Variants in GRIK4 observed in about 807,000 individuals in gnomAD.
The protein encoded by GRIK4 is glutamate ionotropic receptor kainate type subunit 4.
Under a neutral mutation model 104.9 loss-of-function variants are expected in GRIK4, and 40 were observed. The observed-to-expected ratio is 0.38, with a 90% confidence interval of 0.30 to 0.50. GRIK4 has a LOEUF of 0.50. GRIK4 is among the 20% of genes least tolerant of loss of function. GRIK4 has a pLI of 0.93. For synonymous variants in GRIK4, 485 were observed against 524.9 expected, an observed-to-expected ratio of 0.92 and a Z score of 1.04; for missense variants, 1,047 against 1,308.1, an observed-to-expected ratio of 0.80 and a Z score of 3.08.
chr11:120,740,825 A>T (rs1951314696), intron 3 of GRIK4, among the ~76,000 whole-genome samples: 1 of 152,170 alleles, frequency 6.6e-6, no homozygotes, highest in Non-Finnish European at 1.5e-5. Flanking sequence ...CTGGCCATGT[A>T]TCTGCATAAT....
In GRIK4 at chr11:120,874,140, G is replaced by C; in HGVS notation, c.981G>C (p.Glu327Asp). The stretch of plus-strand genomic sequence containing the variant: ...TGCAGGAACTGAACCGGAGCCAAGA[G>C]ATCGGCGTGAAGCCCTTGTCCTGCG... The part of the protein sequence containing the change: ...TAVQELNRSQ[E>D]IGVKPLSCGS... The change falls in exon 10 of 21, where the codon GAG becomes GAC. Residue 327 changes from glutamate (E) to aspartate (D), a missense_variant. This residue lies in a region of GRIK4 where 447 missense variants were observed against 514.9 expected (regional missense o/e 0.87). Coordinates refer to ENST00000527524, the MANE Select transcript of GRIK4 (RefSeq NM_014619.5). 2.5e-6 allele frequency: 4 copies of C among 1,614,046 alleles called. No homozygotes were observed. The highest frequency in any genetic ancestry group is 3.4e-6 in the Non-Finnish European group (4 of 1,179,970).
chr11:120,801,244 C>T (rs753970172), intron 3 of GRIK4, among the ~76,000 whole-genome samples: 1 of 152,036 alleles, frequency 6.6e-6, no homozygotes, highest in Non-Finnish European at 1.5e-5. Flanking sequence ...TTTGTTTTTT[C>T]AGATGGAGTC....
At chr11:120,888,859 C>A (rs532140694) in intron 11 of GRIK4, among the ~76,000 whole-genome samples, 2 of 152,274 alleles carry the variant, frequency 1.3e-5, no homozygotes, top group South Asian at 2.1e-4. Context: ...ATTTCATAAC[C>A]CACTAATGGG....
intron 1 of GRIK4, among the ~76,000 whole-genome samples, chr11:120,520,692 A>G (rs1947786391): frequency 6.6e-6 from 1 of 152,192 alleles, no homozygotes; most frequent in Admixed American, 6.5e-5. Context: ...GCCCCAGGTT[A>G]ATAGCCGAGG....
chr11:120,852,808 G>T (rs1366445437), intron 8 of GRIK4, among the ~76,000 whole-genome samples: 1 of 152,184 alleles, frequency 6.6e-6, no homozygotes, highest in South Asian at 2.1e-4. Flanking sequence ...TTGGACTTCT[G>T]GTGGCTCCAG....
chr11:120,805,107 G>A (rs190420764), intron 4 of GRIK4, among the ~76,000 whole-genome samples: 49 of 152,300 alleles, frequency 3.2e-4, no homozygotes, highest in Non-Finnish European at 6.2e-4. Flanking sequence ...TTGTCATAGA[G>A]GTTAATTTCT....
chr11:120,519,683 C>T (rs529044578), intron 1 of GRIK4, among the ~76,000 whole-genome samples: 1 of 152,256 alleles, frequency 6.6e-6, no homozygotes, highest in African/African-American at 2.4e-5. Context: ...GATTCATTAG[C>T]CCAAAGTCCC....
In GRIK4 at chr11:120,769,522, T is replaced by C. The variant is rs138740543; in HGVS notation, c.83-33171T>C. On this transcript the variant is annotated intron_variant, in intron 3 of 20. Transcript: ENST00000527524. ...ATATAATTGTATGTGTCATGAAATA[T>C]TCTTTTGACTTTTTCCCAAAACATT... Among the ~76,000 whole-genome samples, 860 of 152,340 alleles carry C rather than the reference T, an allele frequency of 5.6e-3. 3 individuals are homozygous for C. The highest frequency in any genetic ancestry group is 8.4e-3 in the Non-Finnish European group (570 of 68,030).
intron 13 of GRIK4, among the ~76,000 whole-genome samples, chr11:120,937,285 C>T (rs1422232056): frequency 6.6e-6 from 1 of 152,166 alleles, no homozygotes; most frequent in Non-Finnish European, 1.5e-5. Context: ...GTGATCCACC[C>T]AGCTCAGCCT....
chr11:120,782,457 T>G (rs1208914037), intron 3 of GRIK4, among the ~76,000 whole-genome samples: 1 of 152,124 alleles, frequency 6.6e-6, no homozygotes, highest in African/African-American at 2.4e-5. Flanking sequence ...GACTAATTTT[T>G]TGTATTTTTA....
In GRIK4 at chr11:120,986,322, G is replaced by A. The variant is rs1944752862; in HGVS notation, c.*62G>A. The A allele has an allele frequency of 1.4e-6, 2 of 1,412,722 alleles. No individual in the cohort carries two copies. Among genetic ancestry groups the A allele is most frequent in the East Asian group, 3.0e-5 (1 of 33,566 alleles). The allele number at this position is 1,412,722 out of a possible 1,614,324, so 87.5% of individuals were successfully genotyped here. ...GCGGGAGGGGAGGGGCGGGGCGGGCGCTGCTGTCAGCCGCCAGCCGGAACT... is the reference window on the plus strand; with the variant it reads ...GCGGGAGGGGAGGGGCGGGGCGGGCACTGCTGTCAGCCGCCAGCCGGAACT... On this transcript the variant is annotated 3_prime_UTR_variant, in exon 21 of 21. Transcript: ENST00000527524.
At chr11:120,931,574 C>T (rs1943482274) in intron 13 of GRIK4, among the ~76,000 whole-genome samples, 1 of 152,218 alleles carries the variant, frequency 6.6e-6, no homozygotes, top group Non-Finnish European at 1.5e-5. Context: ...AATCCTGGCT[C>T]TGCCACTTAC....
intron 3 of GRIK4, among the ~76,000 whole-genome samples, chr11:120,716,665 A>G (rs1268866877): frequency 2.0e-5 from 3 of 152,290 alleles, no homozygotes; most frequent in Non-Finnish European, 1.5e-5. Context: ...GGGGAAGCAG[A>G]AACTGAGTAT....
chr11:120,748,046 C>T (rs1951477454), intron 3 of GRIK4, among the ~76,000 whole-genome samples: 1 of 152,176 alleles, frequency 6.6e-6, no homozygotes, highest in Non-Finnish European at 1.5e-5. Flanking sequence ...AATTCAATAT[C>T]CTCTCTAAGA....
chr11:120,692,688 G>A (rs775239411), intron 3 of GRIK4, among the ~76,000 whole-genome samples: 16 of 152,132 alleles, frequency 1.1e-4, no homozygotes, highest in Non-Finnish European at 1.9e-4. Context: ...ATGGAGACCC[G>A]GTGTGCCTTA....
chr11:120,889,588 C>CTTTTTTTTTTT lies in GRIK4; in HGVS notation c.1165-8944_1165-8943insTTTTTTTTTTT, dbSNP rs776440015. On this transcript the variant is annotated intron_variant, in intron 11 of 20. Coordinates refer to ENST00000527524, the MANE Select transcript of GRIK4 (RefSeq NM_014619.5). ...AATAGAATAAAATAGAAAGAGCTTA[C>CTTTTTTTTTTT]ATTTTTTTTTTTTTTTTTTTTTTTT... 5.4e-3 allele frequency among the ~76,000 whole-genome samples: 361 copies of CTTTTTTTTTTT among 67,092 alleles called. 47 individuals are homozygous for CTTTTTTTTTTT. The highest frequency in any genetic ancestry group is 0.021 in the East Asian group (37 of 1,748). 44.0% of individuals were successfully genotyped at this position (67,092 alleles called of 152,430 possible). A position where few individuals can be genotyped will look rare whatever the true frequency, so the allele number is the denominator to read the frequency against.
At chr11:120,866,742 T>C (rs1439708488) in intron 9 of GRIK4, among the ~76,000 whole-genome samples, 1 of 152,218 alleles carries the variant, frequency 6.6e-6, no homozygotes, top group Non-Finnish European at 1.5e-5. Context: ...GTCCTTGTGC[T>C]GATCAGATTC....
rs369403122 is a variant in GRIK4 at position 120,892,386 on chromosome 11, G to A, written c.1165-6146G>A. Among the ~76,000 whole-genome samples, 16 of 152,304 alleles carry A rather than the reference G, an allele frequency of 1.1e-4. 1 individual carries two copies. The East Asian group carries it at 1.7e-3, about 17-fold the overall frequency. On this transcript the variant is annotated intron_variant, in intron 11 of 20. Transcript: ENST00000527524. ...TGGCGTGTATGTGAGATTTGGTAGT[G>A]ACGACTGGCTGCTGCTGTGTGAAGA...
chr11:120,962,581 G>A lies in GRIK4; in HGVS notation c.2166G>A (p.Leu722=), dbSNP rs886696950. The change falls in exon 18 of 21, where the codon CTG becomes CTA. Residue 722 remains leucine (L), a synonymous_variant. Transcript: ENST00000527524. The part of the protein sequence containing the change: ...RVLNSNYAFL[L]ESTMNEYYRQ... ...TGAATTCCAACTACGCCTTCCTCCT[G>A]GAATCCACCATGAACGAGTACTATC... is the stretch of plus-strand genomic sequence containing the variant. The A allele has an allele frequency of 1.7e-5, 28 of 1,613,942 alleles. No homozygotes were observed. Among genetic ancestry groups the A allele is most frequent in the African/African-American group, 2.7e-5 (2 of 74,882 alleles).
Sources: allele counts gnomAD v4.1 joint callset (sites outside exome capture counted in the v4.1 genomes callset), GRCh38; gene constraint gnomAD v4.1.1; regional missense constraint gnomAD v4.1.1; transcripts MANE v1.5; gene names NCBI Gene and HGNC (gene_info 2026-07-23, HGNC 2026-07-21).